Variants in CNBD1 observed in about 807,000 individuals in gnomAD.
CNBD1 encodes the protein cyclic nucleotide binding domain containing 1.
In CNBD1, 71 loss-of-function variants were observed where a neutral mutation model predicts 54.4. The observed-to-expected ratio is 1.30, with a 90% CI of 1.08 to 1.59. The LOEUF (loss-of-function observed/expected upper bound fraction) is 1.59, where lower values mean the gene tolerates loss of function less well. Ranked by LOEUF, CNBD1 falls within the 40% of genes most tolerant of loss-of-function variation. The pLI, the probability that CNBD1 is intolerant of heterozygous loss-of-function variation, is 0.00. For missense variants in CNBD1, 659 were observed against 518.0 expected (o/e 1.27, Z -2.64); for synonymous variants, 182 against 170.7 (o/e 1.07, Z -0.51).
At chr8:87,080,187 G>A (rs1488629982) in intron 4 of CNBD1, among the ~76,000 whole-genome samples, 3 of 152,158 alleles carry the variant, frequency 2.0e-5, no homozygotes, top group African/African-American at 7.2e-5. Context: ...GTCTCGATTG[G>A]TGTAGTTTTA....
chr8:86,934,208 C>T (rs1324385698), intron 3 of CNBD1, among the ~76,000 whole-genome samples: 1 of 151,966 alleles, frequency 6.6e-6, no homozygotes, highest in South Asian at 2.1e-4. Context: ...GTAATGGTAC[C>T]TATGATTATT....
downstream of CNBD1, among the ~76,000 whole-genome samples, chr8:87,383,546 C>T (rs1811130330): frequency 6.6e-6 from 1 of 151,488 alleles, no homozygotes; most frequent in Non-Finnish European, 1.5e-5. Context: ...CCAGTCATTT[C>T]CACTGTAACA....
intron 4 of CNBD1, among the ~76,000 whole-genome samples, chr8:87,192,097 G>A (rs887305660): frequency 6.6e-6 from 1 of 152,056 alleles, no homozygotes; most frequent in African/African-American, 2.4e-5. Flanking sequence ...AAAAATTGTT[G>A]TCATACAAAG....
chr8:87,335,090 C>A lies in CNBD1; in HGVS notation c.1043-16595C>A, dbSNP rs151089651. 3.1e-3 allele frequency among the ~76,000 whole-genome samples: 475 copies of A among 152,216 alleles called. 3 individuals are homozygous for A. Among genetic ancestry groups the A allele is most frequent in the Non-Finnish European group, 2.6e-3 (179 of 68,018 alleles). ...CTGAGAGACTGTTATGATTTCAGTTCTTTTGCATTTGCTGAGGAGCGTTTT... is the reference window on the plus strand; with the variant it reads ...CTGAGAGACTGTTATGATTTCAGTTATTTTGCATTTGCTGAGGAGCGTTTT... On this transcript the variant is annotated intron_variant, in intron 8 of 10. Coordinates refer to ENST00000518476, the MANE Select transcript of CNBD1 (RefSeq NM_173538.3).
chr8:87,397,855 G>A (rs972914644), intron 2 of CNBD1, among the ~76,000 whole-genome samples: 1 of 151,964 alleles, frequency 6.6e-6, no homozygotes, highest in Non-Finnish European at 1.5e-5. Context: ...TCTCATGATA[G>A]TGAATGGGTC....
intron 2 of CNBD1, among the ~76,000 whole-genome samples, chr8:87,409,210 A>G (rs765914156): frequency 6.6e-6 from 1 of 152,184 alleles, no homozygotes; most frequent in Non-Finnish European, 1.5e-5. Flanking sequence ...GTAAACATGC[A>G]AATAATAAGA....
chr8:86,981,772 T>C (rs907983888), intron 4 of CNBD1, among the ~76,000 whole-genome samples: 3 of 152,214 alleles, frequency 2.0e-5, no homozygotes, highest in Admixed American at 6.5e-5. Flanking sequence ...TTCCATAGTA[T>C]GGATATACTG....
At chr8:86,884,571 C>T (rs1377154080) in intron 1 of CNBD1, among the ~76,000 whole-genome samples, 1 of 152,160 alleles carries the variant, frequency 6.6e-6, no homozygotes, top group Non-Finnish European at 1.5e-5. Flanking sequence ...TATTTTAAAA[C>T]ATACTCCTCC....
At chr8:87,357,722 G>A (rs1427367761) in intron 10 of CNBD1, among the ~76,000 whole-genome samples, 1 of 152,098 alleles carries the variant, frequency 6.6e-6, no homozygotes, top group Non-Finnish European at 1.5e-5. Context: ...TAAGACCAGG[G>A]GACTGTTGGG....
At chr8:87,423,151 T>C (rs2130994574) in intron 2 of CNBD1, among the ~76,000 whole-genome samples, 1 of 152,316 alleles carries the variant, frequency 6.6e-6, no homozygotes, top group South Asian at 2.1e-4. Flanking sequence ...CTGAAGTTGC[T>C]TATCAGCTTT....
At chr8:87,184,740 T>A (rs909154147) in intron 4 of CNBD1, among the ~76,000 whole-genome samples, 3 of 152,048 alleles carry the variant, frequency 2.0e-5, no homozygotes, top group African/African-American at 7.2e-5. Context: ...ATCCTCCCTA[T>A]ATCCACTCCC....
chr8:87,060,037 C>T (rs1486573018), intron 4 of CNBD1, among the ~76,000 whole-genome samples: 1 of 152,230 alleles, frequency 6.6e-6, no homozygotes, highest in East Asian at 1.9e-4. Flanking sequence ...GGTGACTCCT[C>T]CCAAGAATAG....
intron 3 of CNBD1, among the ~76,000 whole-genome samples, chr8:86,915,991 A>C (rs1399480279): frequency 1.3e-5 from 2 of 152,296 alleles, no homozygotes; most frequent in East Asian, 1.9e-4. Flanking sequence ...TTTTGTATTA[A>C]CTTTTGATGT....
At chr8:87,206,213 GCTT>G in intron 5 of CNBD1, 75 bp downstream of exon 5, 1 of 1,137,028 alleles carries the variant, frequency 8.8e-7, no homozygotes, top group Non-Finnish European at 1.2e-6. Context: ...TCATTATAAT[GCTT>G]ATAATTTCAC....
At chr8:87,001,865 C>G (rs1457654163) in intron 4 of CNBD1, among the ~76,000 whole-genome samples, 3 of 152,118 alleles carry the variant, frequency 2.0e-5, no homozygotes, top group Non-Finnish European at 4.4e-5. Flanking sequence ...GTGTTTCAAT[C>G]TAATGAGTAT....
At chr8:87,081,780 ACATGCATGAGCCAC>A (rs1199777260) in intron 4 of CNBD1, among the ~76,000 whole-genome samples, 1 of 152,118 alleles carries the variant, frequency 6.6e-6, no homozygotes, top group Non-Finnish European at 1.5e-5. Context: ...TGCTGGGATT[ACATGCATGAGCCAC>A]CACGCCTGGC....
Position 87,415,959 on chromosome 8 carries a change from T to A in CNBD1, c.214-12587T>A, listed in dbSNP as rs952465468. Among the ~76,000 whole-genome samples, 6 of 151,640 alleles carry A rather than the reference T, an allele frequency of 4.0e-5. No individual in the cohort carries two copies. The East Asian group carries it at 1.2e-3, about 29-fold the overall frequency. On this transcript the variant is annotated intron_variant, in intron 2 of 7. Transcript: ENST00000521593. Reference sequence around the variant, plus strand: ...ATAAAAATATTGGAAATAAAGTTTTTAAAAAAATCATATGGACATTAACAA... The same window carrying A: ...ATAAAAATATTGGAAATAAAGTTTTAAAAAAAATCATATGGACATTAACAA...
rs764502167 is a variant in CNBD1 at position 86,939,714 on chromosome 8, A to G, written c.391A>G (p.Thr131Ala). ...GHILYRPKRA[T>A]EKFEEFLAIL... ...TATTTTATATAGACCAAAAAGAGCC[A>G]CAGAGAAATTTGAAGAATTCCTAGC... The change falls in exon 4 of 11, where the codon ACA (threonine) becomes GCA (alanine). Residue 131 changes from threonine to alanine, a missense_variant. By Grantham distance (58) the Thr-to-Ala change is moderately conservative. Coordinates refer to ENST00000518476, the MANE Select transcript of CNBD1 (RefSeq NM_173538.3). 45 of 1,588,274 alleles carry G rather than the reference A, an allele frequency of 2.8e-5. No homozygotes were observed. The highest frequency in any genetic ancestry group is 5.4e-5 in the African/African-American group (4 of 73,816).
chr8:87,248,064 C>A, intron 6 of CNBD1, among the ~76,000 whole-genome samples: 1 of 152,122 alleles, frequency 6.6e-6, no homozygotes, highest in East Asian at 1.9e-4. Context: ...AATTGTTCTG[C>A]AGCTGTGGTG....
Sources: gnomAD v4.1 joint callset for allele counts (sites outside exome capture counted in the v4.1 genomes callset) on GRCh38, gnomAD v4.1.1 for gene constraint, MANE v1.5 for transcripts, NCBI Gene and HGNC (gene_info 2026-07-23, HGNC 2026-07-21) for gene names.